COX18: variants seen among roughly 807,000 people sequenced by gnomAD.
COX18 encodes cytochrome c oxidase assembly factor COX18.
Under a neutral mutation model 38.0 loss-of-function variants are expected in COX18, and 45 were observed. The observed-to-expected ratio is 1.18, with a 90% CI of 0.93 to 1.52. The LOEUF (loss-of-function observed/expected upper bound fraction) is 1.52. COX18 is among the 40% of genes most tolerant of loss of function. The probability of loss-of-function intolerance (pLI) is 0.00; values close to 1 mark genes in which losing one functional copy is unlikely to be tolerated. For synonymous variants in COX18, 177 were observed against 169.8 expected (o/e 1.04, Z -0.33); for missense variants, 462 against 423.8 (o/e 1.09, Z -0.79).
rs1719817599 is a variant in COX18, at chr4:73,054,369, A to C, written c.*3745T>G. 6.6e-6 allele frequency: 1 copy of C among 152,334 alleles called. No individual in the cohort carries two copies. The highest frequency in any genetic ancestry group is 1.5e-5 in the Non-Finnish European group (1 of 68,040). 9.4% of individuals were successfully genotyped at this position (152,334 alleles called of 1,614,324 possible). On this transcript the variant is annotated 3_prime_UTR_variant, in exon 6 of 6. Transcript: ENST00000507544. Reference sequence around the variant, plus strand: ...ATACAGATTTTTTGCTCTTTACTAAAAAAAATCTGCCTGAAGAAAAAAATC... The same window carrying C: ...ATACAGATTTTTTGCTCTTTACTAACAAAAATCTGCCTGAAGAAAAAAATC...
chr4:73,069,460 C>G lies in COX18; in HGVS notation c.190G>C (p.Val64Leu). Residue 64 changes from valine (V) to leucine (L), a missense_variant, in exon 1 of 6, where the codon GTG becomes CTG. Transcript: ENST00000507544. ...WYEALAASSP[V>L]RVAEEVLLGV... is the part of the protein sequence containing the mutation. ...AGCAGTACTTCCTCCGCAACCCGCA[C>G]CGGCGAAGACGCGGCCAGGGCCTCG... is the stretch of plus-strand genomic sequence containing the variant. The G allele has an allele frequency of 6.3e-7, 1 of 1,589,804 alleles. No individual in the cohort carries two copies.
At chr4:73,066,194 A>G (rs1051442397) in intron 2 of COX18, among the ~76,000 whole-genome samples, 1 of 152,214 alleles carries the variant, frequency 6.6e-6, no homozygotes, top group Non-Finnish European at 1.5e-5. Flanking sequence ...ACATTTGCCT[A>G]TTCTTCCAAT....
Position 73,061,866 on chromosome 4 carries a change from A to G in COX18, c.778T>C (p.Phe260Leu), listed in dbSNP as rs749120893. Residue 260 changes from phenylalanine to leucine, a missense_variant, in exon 5 of 6, where the codon TTT (phenylalanine) becomes CTT (leucine). Transcript: ENST00000507544. ...MSRFQTYITY[F>L]VRAMSVLMIP... Reference sequence around the variant, plus strand: ...ATCAACACCGACATTGCACGGACAAAGTACGTAATATACGTCTGAAAACGA... The same window carrying G: ...ATCAACACCGACATTGCACGGACAAGGTACGTAATATACGTCTGAAAACGA... The G allele has an allele frequency of 1.6e-5, 26 of 1,613,800 alleles. No homozygotes were observed. The South Asian group carries it at 2.7e-4, about 17-fold the overall frequency.
In COX18 at chr4:73,061,871, G is replaced by A. The variant is rs770854859; in HGVS notation, c.773C>T (p.Thr258Met). Residue 258 changes from threonine to methionine, a missense_variant, in exon 5 of 6, where the codon ACG (threonine) becomes ATG (methionine). Transcript: ENST00000507544. ...IGMSRFQTYI[T>M]YFVRAMSVLM... Reference sequence around the variant, plus strand: ...CACCGACATTGCACGGACAAAGTACGTAATATACGTCTGAAAACGAGACAT... The same window carrying A: ...CACCGACATTGCACGGACAAAGTACATAATATACGTCTGAAAACGAGACAT... 23 of 1,613,522 alleles carry A rather than the reference G, an allele frequency of 1.4e-5. No individual in the cohort carries two copies. Among genetic ancestry groups the A allele is most frequent in the East Asian group, 1.1e-4 (5 of 44,880 alleles).
chr4:73,058,020 T>C lies in COX18; in HGVS notation c.*94A>G, dbSNP rs1026938732. ...ATTTCATGAAGTTAATGATTTTAAA[T>C]AAAAGGAAATCAAGTAACATCTGAA... is the stretch of plus-strand genomic sequence containing the variant. On this transcript the variant is annotated 3_prime_UTR_variant, in exon 6 of 6. Transcript: ENST00000507544. The C allele has an allele frequency of 2.2e-6, 2 of 906,274 alleles. No individual in the cohort carries two copies. The highest frequency in any genetic ancestry group is 1.7e-5 in the African/African-American group (1 of 59,574). 56.1% of individuals were successfully genotyped at this position (906,274 alleles called of 1,614,324 possible).
Position 73,069,370 on chromosome 4 carries a change from G to GT in COX18, c.279dup (p.Arg94ThrfsTer34). The GT allele has an allele frequency of 7.7e-6, 12 of 1,558,058 alleles. No homozygotes were observed. Among genetic ancestry groups the GT allele is most frequent in the Non-Finnish European group, 1.0e-5 (12 of 1,151,914 alleles). ...GCCAAAGGCAGCGTGACAGCACCCC[G>GT]TAAGGCCACGGTGGAGAGCAGAATG... On this transcript the variant is annotated frameshift_variant, in exon 1 of 6. Coordinates refer to ENST00000507544, the MANE Select transcript of COX18 (RefSeq NM_001297732.2). LOFTEE classifies it high-confidence loss of function.
intron 5 of COX18, among the ~76,000 whole-genome samples, chr4:73,060,665 G>GAA (rs1720109156): frequency 6.6e-6 from 1 of 151,936 alleles, no homozygotes; most frequent in Non-Finnish European, 1.5e-5. Flanking sequence ...TGGATCACCT[G>GAA]GGTCAGGAGT....
At chr4:73,061,552 C>T (rs912354579) in intron 5 of COX18, among the ~76,000 whole-genome samples, 1 of 151,788 alleles carries the variant, frequency 6.6e-6, no homozygotes, top group African/African-American at 2.4e-5. Context: ...ACCAAAAATA[C>T]AAAAAATTAG....
At chr4:73,066,864 C>T (rs923683276) in intron 2 of COX18, among the ~76,000 whole-genome samples, 1 of 152,000 alleles carries the variant, frequency 6.6e-6, no homozygotes, top group Non-Finnish European at 1.5e-5. Flanking sequence ...GACACAATCT[C>T]GTATTAAAGA....
intron 2 of COX18, 39 bp downstream of exon 2, chr4:73,067,987 TGTA>T: frequency 9.5e-7 from 1 of 1,050,556 alleles, no homozygotes; most frequent in Non-Finnish European, 1.5e-6. Context: ...TGTGTGTGTG[TGTA>T]TGTGTGCGTA....
chr4:73,058,063 A>C lies in COX18; in HGVS notation c.*51T>G. 1 of 1,211,238 alleles carries C rather than the reference A, an allele frequency of 8.3e-7. No homozygotes were observed. Among genetic ancestry groups the C allele is most frequent in the South Asian group, 1.4e-5 (1 of 70,834 alleles). The allele number at this position is 1,211,238 out of a possible 1,614,324, so 75.0% of individuals were successfully genotyped here. A position where few individuals can be genotyped will look rare whatever the true frequency, so the allele number is the denominator to read the frequency against. On this transcript the variant is annotated 3_prime_UTR_variant, in exon 6 of 6. Transcript: ENST00000507544. ...CATCTGAATTTCTAAGTCTAAATAC[A>C]TTTAGATGATAGTGACTCCTGCAAC...
chr4:73,068,155 G>A (rs1234000120), intron 1 of COX18, 26 bp from the exon 2 acceptor site: 3 of 1,447,010 alleles, frequency 2.1e-6, no homozygotes, highest in Non-Finnish European at 2.9e-6. Flanking sequence ...GTTTTGTTAT[G>A]AGCACATAAA....
At chr4:73,066,888 T>C (rs939218875) in intron 2 of COX18, among the ~76,000 whole-genome samples, 5 of 152,218 alleles carry the variant, frequency 3.3e-5, no homozygotes, top group African/African-American at 1.2e-4. Context: ...TTGGGAAATG[T>C]ACAACTATAT....
chr4:73,067,116 C>T (rs543539306), intron 2 of COX18, among the ~76,000 whole-genome samples: 1 of 152,272 alleles, frequency 6.6e-6, no homozygotes, highest in Admixed American at 6.5e-5. Context: ...TTGGGACTTT[C>T]CAAGAACCCA....
intron 1 of COX18, chr4:73,068,561 C>T (rs995906723): frequency 6.5e-6 from 1 of 153,758 alleles, no homozygotes; most frequent in African/African-American, 2.4e-5. Flanking sequence ...TTTATTCCTG[C>T]CCTGTGCTCA....
At chr4:73,065,439 G>T (rs766432762) in intron 2 of COX18, 26 bp from the exon 3 acceptor site, 3 of 1,582,040 alleles carry the variant, frequency 1.9e-6, no homozygotes, top group Non-Finnish European at 2.6e-6. Context: ...GGGGAAAAAA[G>T]GGGAAAGAGA....
chr4:73,063,857 T>C (rs972599096), intron 4 of COX18, among the ~76,000 whole-genome samples: 1 of 152,244 alleles, frequency 6.6e-6, no homozygotes, highest in African/African-American at 2.4e-5. Flanking sequence ...CTGGGAGATC[T>C]CTACTGAGGT....
chr4:73,066,051 T>C (rs966580980), intron 2 of COX18, among the ~76,000 whole-genome samples: 1 of 152,218 alleles, frequency 6.6e-6, no homozygotes, highest in African/African-American at 2.4e-5. Context: ...CAGTGTTCTA[T>C]TTTATTCATC....
intron 2 of COX18, among the ~76,000 whole-genome samples, chr4:73,065,828 T>C (rs1005396895): frequency 6.6e-6 from 1 of 152,268 alleles, no homozygotes; most frequent in African/African-American, 2.4e-5. Flanking sequence ...TGGAGCTATG[T>C]GGTTTTATAC....
Sources: allele counts gnomAD v4.1 joint callset (sites outside exome capture counted in the v4.1 genomes callset), GRCh38; gene constraint gnomAD v4.1.1; transcripts MANE v1.5; gene names NCBI Gene and HGNC (gene_info 2026-07-23, HGNC 2026-07-21).